Variants in PALLD observed in about 807,000 individuals in gnomAD.
The protein encoded by PALLD is palladin, cytoskeletal associated protein.
In PALLD, 61 loss-of-function variants were observed where a neutral mutation model predicts 123.5. The observed-to-expected ratio is 0.49, with a 90% CI of 0.40 to 0.61. The LOEUF (loss-of-function observed/expected upper bound fraction) is 0.61. PALLD is among the 20% of genes least tolerant of loss of function. PALLD has a pLI of 0.00. For missense variants in PALLD, 1,273 were observed against 1,377.0 expected (o/e 0.92, Z 1.20); for synonymous variants, 465 against 496.4 (o/e 0.94, Z 0.84).
Position 168,511,504 on chromosome 4 carries a change from T to C in PALLD, c.-1T>C, listed in dbSNP as rs1345058105. 3 of 1,612,650 alleles carry C rather than the reference T, an allele frequency of 1.9e-6. No individual in the cohort carries two copies. The highest frequency in any genetic ancestry group is 1.7e-5 in the Admixed American group (1 of 60,002). ...ACAGAGTGCATGAAGACCGTTCAAA[T>C]ATGTCAGGGACCTCCTCCCATGAGT... On this transcript the variant is annotated 5_prime_UTR_variant, in exon 2 of 22. Coordinates refer to ENST00000505667, the MANE Select transcript of PALLD (RefSeq NM_001166108.2).
rs1352265915 is a variant in PALLD at position 168,626,377 on chromosome 4, GGC to G, written c.909-41811_909-41810del. Among the ~76,000 whole-genome samples the G allele has an allele frequency of 3.4e-5, 5 of 145,976 alleles. No individual in the cohort carries two copies. The East Asian group carries it at 1.0e-3, about 29-fold the overall frequency. On this transcript the variant is annotated intron_variant, in intron 2 of 21. Transcript: ENST00000505667. The stretch of plus-strand genomic sequence containing the variant: ...GATCGCACCACTGCACTCCAGCCTG[GGC>G]GACAGAGCGAGACTCCATCTCAAAA...
At chr4:168,828,095 T>TA (rs1743674563) in intron 10 of PALLD, among the ~76,000 whole-genome samples, 1 of 152,196 alleles carries the variant, frequency 6.6e-6, no homozygotes, top group Admixed American at 6.5e-5. Context: ...AAGATCCTGA[T>TA]GCTGACCTGA....
chr4:168,630,758 C>T (rs1775726861), intron 2 of PALLD, among the ~76,000 whole-genome samples: 1 of 152,192 alleles, frequency 6.6e-6, no homozygotes, highest in Non-Finnish European at 1.5e-5. Context: ...CAATGACAAG[C>T]AGTTCTGGGA....
At chr4:168,542,397 C>G (rs1765702543) in intron 2 of PALLD, among the ~76,000 whole-genome samples, 1 of 151,254 alleles carries the variant, frequency 6.6e-6, no homozygotes, top group Admixed American at 6.6e-5. Context: ...GCCTGGGCAA[C>G]AGAGAGAAAA....
At chr4:168,585,301 AGT>A (rs3036319) in intron 2 of PALLD, among the ~76,000 whole-genome samples, 40,352 of 149,952 alleles carry the variant, frequency 0.27, 5,666 homozygotes, top group East Asian at 0.53. Context: ...TATGAGTGTG[AGT>A]GTGTGTGTGT....
chr4:168,701,507 AAG>A (rs1240682860), intron 8 of PALLD, among the ~76,000 whole-genome samples: 5 of 152,242 alleles, frequency 3.3e-5, no homozygotes, highest in Admixed American at 3.3e-4. Context: ...GCATGACTAA[AAG>A]AACCACAAAG....
intron 3 of PALLD, among the ~76,000 whole-genome samples, chr4:168,678,718 C>T (rs1781121722): frequency 6.6e-6 from 1 of 152,018 alleles, no homozygotes; most frequent in African/African-American, 2.4e-5. Context: ...CTGCTTCACT[C>T]ACCACCGTAT....
chr4:168,821,230 T>G (rs1378103529), intron 10 of PALLD, among the ~76,000 whole-genome samples: 1 of 152,218 alleles, frequency 6.6e-6, no homozygotes, highest in African/African-American at 2.4e-5. Context: ...GACTCAATTA[T>G]TTCACCTGAA....
intron 10 of PALLD, among the ~76,000 whole-genome samples, chr4:168,715,907 G>C (rs765259004): frequency 6.7e-6 from 1 of 149,500 alleles, no homozygotes; most frequent in Non-Finnish European, 1.5e-5. Context: ...CCGAGATAGC[G>C]CCACTGCCCT....
At chr4:168,860,706 C>T (rs532832112) in intron 10 of PALLD, among the ~76,000 whole-genome samples, 9 of 152,232 alleles carry the variant, frequency 5.9e-5, no homozygotes, top group South Asian at 2.1e-4. Flanking sequence ...TCTGTAATCC[C>T]GGTTATTTGG....
rs539655881 is a variant in PALLD at position 168,709,283 on chromosome 4, G to A, written c.1621+136G>A. The A allele has an allele frequency of 3.4e-5, 29 of 853,542 alleles. 1 individual carries two copies. In the East Asian group the frequency reaches 7.7e-4, roughly 23 times the overall value. 52.9% of individuals were successfully genotyped at this position (853,542 alleles called of 1,614,324 possible). A position where few individuals can be genotyped will look rare whatever the true frequency, so the allele number is the denominator to read the frequency against. ...CCAGCACTTTGGGAGGCCGAGGCAG[G>A]CAGATCACTTGAGGTGAAGAGTTCG... is the stretch of plus-strand genomic sequence containing the variant. On this transcript the variant is annotated intron_variant, in intron 9 of 21. Coordinates refer to ENST00000505667, the MANE Select transcript of PALLD (RefSeq NM_001166108.2).
intron 10 of PALLD, among the ~76,000 whole-genome samples, chr4:168,759,754 A>C (rs1256365770): frequency 6.6e-6 from 1 of 152,164 alleles, no homozygotes; most frequent in Admixed American, 6.5e-5. Context: ...TGCCACTGAC[A>C]CTAGAATAGA....
intron 2 of PALLD, among the ~76,000 whole-genome samples, chr4:168,581,003 G>GAA (rs532214023): frequency 1.4e-5 from 2 of 141,730 alleles, no homozygotes; most frequent in African/African-American, 2.6e-5. Flanking sequence ...AGAGGTTCAG[G>GAA]AAAAAAAAAA....
At chr4:168,886,159 T>C (rs952468597) in intron 10 of PALLD, among the ~76,000 whole-genome samples, 2 of 152,210 alleles carry the variant, frequency 1.3e-5, no homozygotes, top group Non-Finnish European at 2.9e-5. Context: ...TTTTTTAATA[T>C]ATTTTCATTT....
intron 10 of PALLD, among the ~76,000 whole-genome samples, chr4:168,779,422 T>C (rs1314688835): frequency 1.3e-5 from 2 of 152,066 alleles, no homozygotes; most frequent in Non-Finnish European, 2.9e-5. Flanking sequence ...TCCTATGTTT[T>C]ATTTTGATAA....
At chr4:168,685,720 C>T (rs1050799817) in intron 6 of PALLD, among the ~76,000 whole-genome samples, 161 bp downstream of exon 6, 3 of 148,348 alleles carry the variant, frequency 2.0e-5, no homozygotes, top group African/African-American at 7.4e-5. Context: ...TGAACGACTG[C>T]CGTGTGACTG....
chr4:168,879,860 T>C (rs1192598476), intron 10 of PALLD, among the ~76,000 whole-genome samples: 1 of 152,224 alleles, frequency 6.6e-6, no homozygotes, highest in Non-Finnish European at 1.5e-5. Context: ...CCTTCTCCCT[T>C]GTTTTTTCTC....
chr4:168,808,506 A>C (rs762225263), intron 10 of PALLD, among the ~76,000 whole-genome samples: 8 of 152,152 alleles, frequency 5.3e-5, no homozygotes, highest in Non-Finnish European at 8.8e-5. Flanking sequence ...ACAAAAAAAC[A>C]TATTTGTGTT....
At chr4:168,647,145 A>G (rs1307494835) in intron 2 of PALLD, among the ~76,000 whole-genome samples, 1 of 152,224 alleles carries the variant, frequency 6.6e-6, no homozygotes, top group African/African-American at 2.4e-5. Flanking sequence ...ACCATCCACT[A>G]TGAAAGGGAT....
Sources: allele counts gnomAD v4.1 joint callset (sites outside exome capture counted in the v4.1 genomes callset), GRCh38; gene constraint gnomAD v4.1.1; transcripts MANE v1.5; gene names NCBI Gene and HGNC (gene_info 2026-07-23, HGNC 2026-07-21).